MYO1F: variants seen among roughly 807,000 people sequenced by gnomAD.
The protein encoded by MYO1F is unconventional myosin-If.
A neutral mutation model predicts 146.6 loss-of-function variants in MYO1F; 60 were observed. That is an observed-to-expected ratio of 0.41 (90% CI 0.33 to 0.51). The LOEUF (loss-of-function observed/expected upper bound fraction) is 0.51. MYO1F is among the 20% of genes least tolerant of loss of function. The probability of loss-of-function intolerance (pLI) is 0.25; values close to 1 mark genes in which losing one functional copy is unlikely to be tolerated. For missense variants in MYO1F, 1,274 were observed against 1,534.3 expected, an observed-to-expected ratio of 0.83 and a Z score of 2.83; for synonymous variants, 602 against 602.1, an observed-to-expected ratio of 1.00 and a Z score of 0.00.
At position 8,555,687 on chromosome 19, in the gene MYO1F, C is replaced by T. The variant is rs777874239; in HGVS notation, c.113G>A (p.Arg38Gln). ...ITEDAIAANL[R>Q]KRFMDDYIFT... ...GATGTAGTCGTCCATGAAGCGCTTC[C>T]GGAGGTTGGCGGCAATGGCGTCTTC... The change falls in exon 2 of 28, where the codon CGG (arginine) becomes CAG (glutamine). Residue 38 changes from arginine (R) to glutamine (Q), a missense_variant. This residue lies in a region of MYO1F where 900 missense variants were observed against 1,155.1 expected (regional missense o/e 0.78). Coordinates refer to ENST00000644032, the MANE Select transcript of MYO1F (RefSeq NM_012335.4). 9.9e-6 allele frequency: 16 copies of T among 1,614,022 alleles called. No individual in the cohort carries two copies. The highest frequency in any genetic ancestry group is 6.7e-5 in the East Asian group (3 of 44,888).
In MYO1F at chr19:8,574,567, CTTTCTTTCTT is replaced by C. The variant is rs1441682486; in HGVS notation, c.3+2730_3+2739del. On this transcript the variant is annotated intron_variant, in intron 1 of 27. Transcript: ENST00000644032. ...TCTTTCTTTCTTTCTTTCTTTCTTTCTTTCTTTCTTTCTCTCTCTCTCTCTCTCTCTTTCT... is the reference window on the plus strand; with the variant it reads ...TCTTTCTTTCTTTCTTTCTTTCTTTCTCTCTCTCTCTCTCTCTCTCTTTCT... 2.9e-3 allele frequency among the ~76,000 whole-genome samples: 263 copies of C among 89,396 alleles called. 3 individuals are homozygous for C. The highest frequency in any genetic ancestry group is 9.7e-3 in the African/African-American group (182 of 18,764). 58.6% of individuals were successfully genotyped at this position (89,396 alleles called of 152,430 possible). A position where few individuals can be genotyped will look rare whatever the true frequency, so the allele number is the denominator to read the frequency against.
In MYO1F at chr19:8,545,688, T is replaced by C. The variant is rs1006546718; in HGVS notation, c.1318A>G (p.Asn440Asp). 2 of 1,614,096 alleles carry C rather than the reference T, an allele frequency of 1.2e-6. No homozygotes were observed. Among genetic ancestry groups the C allele is most frequent in the East Asian group, 4.5e-5 (2 of 44,872 alleles). ...ATGAGGTCACAGACGACCTTGTTGTTGAAGTACTGGATTGGAGTCCAGCGG... is the reference window on the plus strand; with the variant it reads ...ATGAGGTCACAGACGACCTTGTTGTCGAAGTACTGGATTGGAGTCCAGCGG... ...GIRWTPIQYF[N>D]NKVVCDLIEN... Residue 440 changes from asparagine (N) to aspartate (D), a missense_variant, in exon 13 of 28, where the codon AAC becomes GAC. This residue lies in a region of MYO1F where 900 missense variants were observed against 1,155.1 expected (regional missense o/e 0.78). Coordinates refer to ENST00000644032, the MANE Select transcript of MYO1F (RefSeq NM_012335.4).
chr19:8,550,040 T>C, intron 10 of MYO1F, 120 bp downstream of exon 10: 5 of 1,155,382 alleles, frequency 4.3e-6, no homozygotes, highest in South Asian at 1.3e-5. Flanking sequence ...CCTCAAAGAA[T>C]GCTCCCAACT....
intron 16 of MYO1F, among the ~76,000 whole-genome samples, chr19:8,538,170 T>C (rs1342699336): frequency 6.6e-6 from 1 of 151,642 alleles, no homozygotes; most frequent in Non-Finnish European, 1.5e-5. Context: ...TTCACCATGT[T>C]GGCTGGGCTG....
chr19:8,529,895 T>C, intron 21 of MYO1F: 1 of 545,978 alleles, frequency 1.8e-6, no homozygotes, highest in Non-Finnish European at 3.3e-6. Context: ...TGTGGGCAGG[T>C]GTGCCTGGGC....
rs184207950 is a variant in MYO1F, at chr19:8,521,626, G to A, written c.3221-22C>T. 2,277 of 1,612,720 alleles carry A rather than the reference G, an allele frequency of 1.4e-3. 2 individuals are homozygous for A. The highest frequency in any genetic ancestry group is 2.3e-3 in the Middle Eastern group (14 of 6,056). On this transcript the variant is annotated intron_variant, in intron 27 of 27. Coordinates refer to ENST00000644032, the MANE Select transcript of MYO1F (RefSeq NM_012335.4). ...GGATCTGTGGGAGAGAGGAAAGCTT[G>A]AGGTGCCCCTAGCTGGCCCTGGAGA...
At chr19:8,552,959 ACT>A (rs1282839170) in intron 6 of MYO1F, among the ~76,000 whole-genome samples, 178 bp downstream of exon 6, 2 of 151,754 alleles carry the variant, frequency 1.3e-5, no homozygotes, top group Admixed American at 6.6e-5. Context: ...CCAATGGGGG[ACT>A]CTCTTTTGAA....
In MYO1F at chr19:8,553,892, A is replaced by ACTCT. The variant is rs569819927; in HGVS notation, c.327-456_327-455insAGAG. Among the ~76,000 whole-genome samples the ACTCT allele has an allele frequency of 5.9e-3, 617 of 105,172 alleles. 7 individuals carry two copies. The highest frequency in any genetic ancestry group is 0.026 in the East Asian group (80 of 3,090). The allele number at this position is 105,172 out of a possible 152,430, so 69.0% of individuals were successfully genotyped here. ...GTCACACACACACACACACACACAC[A>ACTCT]CACTCTCTCTCTCTCTCTCTCTCTC... On this transcript the variant is annotated intron_variant, in intron 4 of 27. Transcript: ENST00000644032.
chr19:8,567,266 C>T (rs185514510), intron 1 of MYO1F, among the ~76,000 whole-genome samples: 2 of 151,492 alleles, frequency 1.3e-5, no homozygotes, highest in Non-Finnish European at 2.9e-5. Context: ...GGGGTTTCAC[C>T]ATCTTGGCCA....
chr19:8,533,820 G>C (rs1461717164), intron 19 of MYO1F, among the ~76,000 whole-genome samples: 6 of 152,158 alleles, frequency 3.9e-5, no homozygotes, highest in Non-Finnish European at 7.3e-5. Flanking sequence ...TAACATACCT[G>C]GGATGCTGGG....
rs368832750 is a variant in MYO1F, at chr19:8,577,363, G to A, written c.-54C>T. On this transcript the variant is annotated 5_prime_UTR_variant, in exon 1 of 28. Transcript: ENST00000644032. The surrounding 1 kb of genome is among the most constrained non-coding windows in gnomAD (Gnocchi z 4.3). Reference sequence around the variant, plus strand: ...AGGCTCCTGAATGGGTCGTGATGGAGGTGCAGGTTCAGGGGGATCTTGGGG... The same window carrying A: ...AGGCTCCTGAATGGGTCGTGATGGAAGTGCAGGTTCAGGGGGATCTTGGGG... The A allele has an allele frequency of 3.7e-4, 600 of 1,610,668 alleles. 5 individuals are homozygous for A. The African/African-American group carries it at 7.4e-3, about 20-fold the overall frequency.
At position 8,554,672 on chromosome 19, in the gene MYO1F, G is replaced by A. The variant is rs569345387; in HGVS notation, c.213C>T (p.Ile71=). 2 of 1,613,994 alleles carry A rather than the reference G, an allele frequency of 1.2e-6. No individual in the cohort carries two copies. Among genetic ancestry groups the A allele is most frequent in the East Asian group, 2.2e-5 (1 of 44,840 alleles). Residue 71 remains isoleucine (I), a synonymous_variant, in exon 3 of 28, where the codon ATC becomes ATT. Coordinates refer to ENST00000644032, the MANE Select transcript of MYO1F (RefSeq NM_012335.4). ...KQMPYFTDRE[I]DLYQGAAQYE... ...GCCTCACCGCGCCCTGATAGAGGTCGATCTCACGGTCGGTGAAGTAGGGCA... is the reference window on the plus strand; with the variant it reads ...GCCTCACCGCGCCCTGATAGAGGTCAATCTCACGGTCGGTGAAGTAGGGCA...
rs149264737 is a variant in MYO1F, at chr19:8,554,473, A to G, written c.326+4T>C. Reference sequence around the variant, plus strand: ...GGTCTGTGGCCCCCCAACTCTGTCCATACCTAATGATGACACACTGGTTCT... The same window carrying G: ...GGTCTGTGGCCCCCCAACTCTGTCCGTACCTAATGATGACACACTGGTTCT... On this transcript the variant is annotated splice_donor_region_variant and intron_variant, in intron 4 of 27. Transcript: ENST00000644032. 98 of 1,603,532 alleles carry G rather than the reference A, an allele frequency of 6.1e-5. 1 individual carries two copies. Among genetic ancestry groups the G allele is most frequent in the Middle Eastern group, 1.9e-4 (1 of 5,372 alleles).
chr19:8,569,836 A>T (rs1336356178), intron 1 of MYO1F, among the ~76,000 whole-genome samples: 3 of 152,174 alleles, frequency 2.0e-5, no homozygotes. Context: ...AGGGATAGAC[A>T]GCCCAGGCCA....
rs193023191 is a variant in MYO1F at position 8,546,711 on chromosome 19, T to C, written c.1270-975A>G. ...TCTTTTTTGAGACAGGGTCTCATTC[T>C]GCTGTTGCCCAGGCTGGAGTGCAAT... On this transcript the variant is annotated intron_variant, in intron 12 of 27. Transcript: ENST00000644032. Among the ~76,000 whole-genome samples the C allele has an allele frequency of 3.3e-5, 5 of 152,130 alleles. 1 individual carries two copies. Among genetic ancestry groups the C allele is most frequent in the Admixed American group, 3.3e-4 (5 of 15,242 alleles).
At chr19:8,559,334 G>T (rs1454457110) in intron 1 of MYO1F, among the ~76,000 whole-genome samples, 2 of 100,348 alleles carry the variant, frequency 2.0e-5, no homozygotes, top group Non-Finnish European at 4.4e-5. Context: ...TTCTTGAGGG[G>T]GTGGGGGGTG....
At position 8,536,540 on chromosome 19, in the gene MYO1F, G is replaced by A. The variant is rs376377087; in HGVS notation, c.1857C>T (p.Ala619=). 3.8e-5 allele frequency: 61 copies of A among 1,612,654 alleles called. No individual in the cohort carries two copies. The highest frequency in any genetic ancestry group is 3.0e-4 in the African/African-American group (22 of 74,572). ...CGAACTGGCGGCGGTAGGCGAAGCC[G>A]GCTCTGCGCACCCTGATGTTCTCCT... ...GLKENIRVRR[A]GFAYRRQFAK... is the part of the protein sequence containing the mutation. The change falls in exon 18 of 28, where the codon GCC becomes GCT. Residue 619 remains alanine, a synonymous_variant. Transcript: ENST00000644032.
chr19:8,548,430 C>G, intron 10 of MYO1F, 113 bp from the exon 11 acceptor site: 1 of 938,520 alleles, frequency 1.1e-6, no homozygotes, highest in Non-Finnish European at 1.7e-6. Context: ...TCCCCTCATG[C>G]CAGTTTCCCT....
intron 19 of MYO1F, among the ~76,000 whole-genome samples, chr19:8,531,616 A>C (rs1304468510): frequency 2.6e-5 from 4 of 152,158 alleles, no homozygotes; most frequent in Non-Finnish European, 4.4e-5. Context: ...CATGTGGGGT[A>C]CACACTTCTG....
Sources: allele counts gnomAD v4.1 joint callset (sites outside exome capture counted in the v4.1 genomes callset), GRCh38; gene constraint gnomAD v4.1.1; regional missense constraint gnomAD v4.1.1; non-coding constraint Gnocchi (gnomAD v3.1); transcripts MANE v1.5; gene names NCBI Gene and HGNC (gene_info 2026-07-23, HGNC 2026-07-21).